The following SLC24A3 variants were observed in gnomAD, a reference collection of about 807,000 sequenced individuals.
The protein encoded by SLC24A3 is sodium/potassium/calcium exchanger 3.
A neutral mutation model predicts 75.8 loss-of-function variants in SLC24A3; 28 were observed. The ratio of observed to expected loss-of-function variants is 0.37; its 90% CI spans 0.27 to 0.51. SLC24A3 has a LOEUF of 0.51. SLC24A3 is among the 20% of genes least tolerant of loss of function. The probability of loss-of-function intolerance (pLI) is 0.94; values close to 1 mark genes in which losing one functional copy is unlikely to be tolerated. For synonymous variants in SLC24A3, 372 were observed against 334.1 expected (o/e 1.11, Z -1.24); for missense variants, 663 against 847.8 (o/e 0.78, Z 2.71).
At chr20:19,219,703 C>T (rs1981654892) in intron 1 of SLC24A3, among the ~76,000 whole-genome samples, 1 of 152,008 alleles carries the variant, frequency 6.6e-6, no homozygotes, top group Admixed American at 6.6e-5. Flanking sequence ...TTGCAGATGG[C>T]CAACAGACAC....
chr20:19,620,392 C>G (rs772997320), intron 6 of SLC24A3, among the ~76,000 whole-genome samples: 1 of 152,132 alleles, frequency 6.6e-6, no homozygotes, highest in Non-Finnish European at 1.5e-5. Context: ...TCTTTCAAAA[C>G]CAGTATATTC....
chr20:19,643,301 T>C (rs2032097021), intron 6 of SLC24A3, among the ~76,000 whole-genome samples: 1 of 152,214 alleles, frequency 6.6e-6, no homozygotes, highest in Non-Finnish European at 1.5e-5. Context: ...CTCCTGATAC[T>C]GTGAAAGTCC....
rs867634463 is a variant in SLC24A3, at chr20:19,651,400, C to T, written c.613-2662C>T. ...ATATATATATATATATATATACACA[C>T]ATATATATATATATATATCTGCTTT... On this transcript the variant is annotated intron_variant, in intron 6 of 16. Transcript: ENST00000328041. 6.0e-4 allele frequency among the ~76,000 whole-genome samples: 86 copies of T among 142,510 alleles called. 1 individual carries two copies. The highest frequency in any genetic ancestry group is 2.4e-3 in the East Asian group (12 of 4,928). The allele number at this position is 142,510 out of a possible 152,430, so 93.5% of individuals were successfully genotyped here.
intron 6 of SLC24A3, among the ~76,000 whole-genome samples, chr20:19,621,780 A>C (rs977617152): frequency 1.3e-5 from 2 of 152,220 alleles, no homozygotes; most frequent in African/African-American, 4.8e-5. Flanking sequence ...GGACGTATCC[A>C]GTCTTCTGCT....
chr20:19,386,494 G>A (rs1343247458), intron 2 of SLC24A3, among the ~76,000 whole-genome samples: 2 of 152,136 alleles, frequency 1.3e-5, no homozygotes, highest in Non-Finnish European at 1.5e-5. Context: ...CCTTGTAATA[G>A]CTCTTAGAGT....
chr20:19,434,601 A>G (rs924917535), intron 2 of SLC24A3, among the ~76,000 whole-genome samples: 1 of 152,220 alleles, frequency 6.6e-6, no homozygotes, highest in African/African-American at 2.4e-5. Context: ...TAATACCTAC[A>G]GTGAGGCATG....
intron 1 of SLC24A3, among the ~76,000 whole-genome samples, chr20:19,223,218 G>A (rs1981779126): frequency 6.6e-6 from 1 of 152,166 alleles, no homozygotes; most frequent in South Asian, 2.1e-4. Flanking sequence ...TTTGAACCCA[G>A]GATGTGGAGG....
intron 3 of SLC24A3, among the ~76,000 whole-genome samples, chr20:19,554,109 T>C (rs1427492747): frequency 6.6e-6 from 1 of 152,152 alleles, no homozygotes; most frequent in Non-Finnish European, 1.5e-5. Context: ...CCAGCAGGCA[T>C]GGATGGCTCA....
chr20:19,443,426 T>A (rs969380638), intron 2 of SLC24A3, among the ~76,000 whole-genome samples: 2 of 152,326 alleles, frequency 1.3e-5, no homozygotes, highest in East Asian at 3.9e-4. Flanking sequence ...TTTTTGTTAT[T>A]TGGTGCTAAT....
At chr20:19,247,419 C>A (rs1982527136) in intron 1 of SLC24A3, among the ~76,000 whole-genome samples, 2 of 152,206 alleles carry the variant, frequency 1.3e-5, no homozygotes, top group South Asian at 4.1e-4. Flanking sequence ...ATGTCTTCCA[C>A]TCTTTTTAGT....
intron 3 of SLC24A3, among the ~76,000 whole-genome samples, chr20:19,579,471 G>A (rs943858944): frequency 2.6e-5 from 4 of 152,280 alleles, no homozygotes; most frequent in Non-Finnish European, 4.4e-5. Context: ...TATATACCAG[G>A]CCCTGTGCTG....
At chr20:19,354,806 A>G (rs1985646785) in intron 2 of SLC24A3, among the ~76,000 whole-genome samples, 1 of 152,146 alleles carries the variant, frequency 6.6e-6, no homozygotes, top group African/African-American at 2.4e-5. Context: ...AGGCTCTAAT[A>G]TATGGTTGAT....
intron 2 of SLC24A3, among the ~76,000 whole-genome samples, chr20:19,504,081 C>T (rs189131141): frequency 8.7e-4 from 133 of 152,308 alleles, no homozygotes; most frequent in African/African-American, 3.1e-3. Flanking sequence ...GATGCTCTAC[C>T]ACACTGAGCC....
chr20:19,484,406 T>C (rs1211301988), intron 2 of SLC24A3, among the ~76,000 whole-genome samples: 1 of 152,236 alleles, frequency 6.6e-6, no homozygotes, highest in Non-Finnish European at 1.5e-5. Flanking sequence ...TGTGGCATCA[T>C]GTTGACACAA....
chr20:19,415,438 C>T (rs1416020543), intron 2 of SLC24A3, among the ~76,000 whole-genome samples: 2 of 152,290 alleles, frequency 1.3e-5, no homozygotes, highest in African/African-American at 4.8e-5. Flanking sequence ...CACTCTCCCG[C>T]ATGTCTATAG....
chr20:19,283,582 GC>G (rs1014033126), intron 2 of SLC24A3, among the ~76,000 whole-genome samples: 4 of 152,136 alleles, frequency 2.6e-5, no homozygotes, highest in African/African-American at 9.7e-5. Context: ...TGTCTTTCCA[GC>G]CCAATTGCAA....
chr20:19,639,834 G>C (rs141841661), intron 6 of SLC24A3, among the ~76,000 whole-genome samples: 5,634 of 152,350 alleles, frequency 0.037, 375 homozygotes, highest in African/African-American at 0.13. Flanking sequence ...GGCTGGCACT[G>C]CTGGGGGACC....
At chr20:19,474,151 T>C (rs1346534705) in intron 2 of SLC24A3, among the ~76,000 whole-genome samples, 1 of 152,150 alleles carries the variant, frequency 6.6e-6, no homozygotes, top group Non-Finnish European at 1.5e-5. Context: ...TCAGGATGGA[T>C]TTGGTGTCAG....
chr20:19,693,096 T>G, intron 12 of SLC24A3, 163 bp from the exon 13 acceptor site: 3 of 742,592 alleles, frequency 4.0e-6, no homozygotes, highest in Non-Finnish European at 6.1e-6. Flanking sequence ...TCAGGTTTCG[T>G]TGGTGATGGA....
Sources: gnomAD v4.1 joint callset for allele counts (sites outside exome capture counted in the v4.1 genomes callset) on GRCh38, gnomAD v4.1.1 for gene constraint, MANE v1.5 for transcripts, NCBI Gene and HGNC (gene_info 2026-07-23, HGNC 2026-07-21) for gene names.